The following KCNMA1 variants were observed in gnomAD, a reference collection of about 807,000 sequenced individuals.
KCNMA1 encodes the protein Calcium-activated potassium channel subunit alpha-1.
Under a neutral mutation model 140.0 loss-of-function variants are expected in KCNMA1, and 29 were observed. The ratio of observed to expected loss-of-function variants is 0.21; its 90% CI spans 0.15 to 0.28. KCNMA1 has a LOEUF of 0.28. KCNMA1 is among the 10% of genes least tolerant of loss of function. The pLI is 1.00. For synonymous variants in KCNMA1, 612 were observed against 611.9 expected (o/e 1.00, Z 0.00); for missense variants, 880 against 1,602.2 (o/e 0.55, Z 7.70).
chr10:77,527,840 G>C (rs1341217294), intron 1 of KCNMA1, among the ~76,000 whole-genome samples: 1 of 152,056 alleles, frequency 6.6e-6, no homozygotes, highest in Non-Finnish European at 1.5e-5. Context: ...TCATCCCCAG[G>C]GGCTGGCTCG....
chr10:76,953,803 G>A lies in KCNMA1; in HGVS notation c.2482C>T (p.Leu828=). 6.2e-7 allele frequency: 1 copy of A among 1,613,984 alleles called. No individual in the cohort carries two copies. Among genetic ancestry groups the A allele is most frequent in the Non-Finnish European group, 8.5e-7 (1 of 1,179,928 alleles). Residue 828 remains leucine (L), a splice_region_variant and synonymous_variant, in exon 21 of 28, where the codon CTG becomes TTG. Transcript: ENST00000286628. ...CAPKEIEKVI[L]TRSEAAMTVL... ...CAGATGCACAGTCCCTCACTCACCA[G>A]GATGACTTTCTCTATCTCCTTGGGT...
chr10:76,999,986 T>G (rs2085674923), intron 19 of KCNMA1, among the ~76,000 whole-genome samples: 1 of 152,176 alleles, frequency 6.6e-6, no homozygotes, highest in African/African-American at 2.4e-5. Flanking sequence ...AGAGGCCTCA[T>G]GGATCCCGGC....
chr10:77,546,622 C>A (rs1202209773), intron 1 of KCNMA1, among the ~76,000 whole-genome samples: 1 of 152,212 alleles, frequency 6.6e-6, no homozygotes, highest in Non-Finnish European at 1.5e-5. Flanking sequence ...TGCTGCATGG[C>A]CCCCACACTG....
chr10:77,487,058 A>G (rs1374862163), intron 1 of KCNMA1, among the ~76,000 whole-genome samples: 1 of 152,166 alleles, frequency 6.6e-6, no homozygotes, highest in African/African-American at 2.4e-5. Context: ...AGTGTTCCCC[A>G]TAAACTCAGT....
In KCNMA1 at chr10:77,089,690, T is replaced by C. The variant is rs143628255; in HGVS notation, c.1334+710A>G. On this transcript the variant is annotated intron_variant, in intron 10 of 27. Coordinates refer to ENST00000286628, the MANE Select transcript of KCNMA1 (RefSeq NM_001161352.2). ...GCCTGACTCTGCTCTGCACACTTCA[T>C]ATGGATTAATTCATTTCATTCTCAT... Among the ~76,000 whole-genome samples the C allele has an allele frequency of 7.2e-5, 11 of 152,304 alleles. No individual in the cohort carries two copies. The East Asian group carries it at 2.1e-3, about 29-fold the overall frequency.
intron 2 of KCNMA1, among the ~76,000 whole-genome samples, chr10:77,273,541 T>C (rs1472501685): frequency 6.6e-6 from 1 of 152,152 alleles, no homozygotes; most frequent in East Asian, 1.9e-4. Flanking sequence ...GTGGAATGGA[T>C]ATAAAAGAGA....
intron 7 of KCNMA1, among the ~76,000 whole-genome samples, chr10:77,111,114 C>G (rs757113794): frequency 9.9e-5 from 15 of 152,192 alleles, no homozygotes; most frequent in African/African-American, 3.1e-4. Flanking sequence ...AGCTTTGGCC[C>G]GAGACTGCAG....
rs567361425 is a variant in KCNMA1 at position 77,457,899 on chromosome 10, A to C, written c.379-53876T>G. On this transcript the variant is annotated intron_variant, in intron 1 of 27. Coordinates refer to ENST00000286628, the MANE Select transcript of KCNMA1 (RefSeq NM_001161352.2). ...AAAAAAGTTATATAGGAAAAGCCTC[A>C]CAATCGCAATGTAGTTAAAAACTGT... 5.3e-5 allele frequency among the ~76,000 whole-genome samples: 8 copies of C among 152,334 alleles called. No individual in the cohort carries two copies. In the South Asian group the frequency reaches 1.2e-3, roughly 24 times the overall value.
chr10:77,544,012 C>T (rs2154555572), intron 1 of KCNMA1, among the ~76,000 whole-genome samples: 1 of 152,248 alleles, frequency 6.6e-6, no homozygotes, highest in East Asian at 1.9e-4. Flanking sequence ...GAACTCAGAA[C>T]TTCCTTTAGA....
intron 1 of KCNMA1, among the ~76,000 whole-genome samples, chr10:77,506,596 A>AGAGTGTGTGTGTGTGTGTGTGTGT: frequency 2.4e-5 from 2 of 83,570 alleles, no homozygotes; most frequent in East Asian, 8.9e-4. Flanking sequence ...AGAGAGAGAG[A>AGAGTGTGTGTGTGTGTGTGTGTGT]GTGTGTGTGT....
At chr10:76,887,637 C>T (rs2037733850) in intron 27 of KCNMA1, 122 bp from the exon 28 acceptor site, 3 of 1,124,230 alleles carry the variant, frequency 2.7e-6, no homozygotes, top group Non-Finnish European at 1.3e-6. Flanking sequence ...AAGATGCACT[C>T]CTAGCTGGTC....
intron 1 of KCNMA1, among the ~76,000 whole-genome samples, chr10:77,614,729 C>A (rs913295852): frequency 3.9e-5 from 6 of 152,164 alleles, no homozygotes; most frequent in Admixed American, 6.5e-5. Flanking sequence ...CCTTGCACCC[C>A]AACCCCATGC....
rs150423324 is a variant in KCNMA1 at position 77,396,883 on chromosome 10, G to C, written c.540+6979C>G. 1.3e-3 allele frequency among the ~76,000 whole-genome samples: 205 copies of C among 152,292 alleles called. 1 individual carries two copies. Among genetic ancestry groups the C allele is most frequent in the African/African-American group, 4.6e-3 (190 of 41,564 alleles). ...AAGTAACTACAAAGAGTGATTCTAA[G>C]GGCTCTCTCTAGCTTTGCTCAGGAG... is the stretch of plus-strand genomic sequence containing the variant. On this transcript the variant is annotated intron_variant, in intron 2 of 27. Coordinates refer to ENST00000286628, the MANE Select transcript of KCNMA1 (RefSeq NM_001161352.2).
At chr10:77,045,640 C>T (rs1334653455) in intron 14 of KCNMA1, among the ~76,000 whole-genome samples, 2 of 152,248 alleles carry the variant, frequency 1.3e-5, no homozygotes, top group South Asian at 2.1e-4. Flanking sequence ...CGGGAAGTCA[C>T]ACCTTCCTGA....
intron 1 of KCNMA1, among the ~76,000 whole-genome samples, chr10:77,487,104 G>A (rs969020503): frequency 2.0e-5 from 3 of 152,152 alleles, no homozygotes; most frequent in East Asian, 1.9e-4. Context: ...GAAAGGTACC[G>A]TCCTGCCTAA....
intron 23 of KCNMA1, among the ~76,000 whole-genome samples, chr10:76,941,047 AAGAAAG>A (rs1324381615): frequency 6.4e-5 from 5 of 77,624 alleles, no homozygotes; most frequent in Non-Finnish European, 1.0e-4. Context: ...GAAAGAAAGA[AAGAAAG>A]AGAAAGAAAG....
intron 2 of KCNMA1, among the ~76,000 whole-genome samples, chr10:77,394,293 G>A (rs201650728): frequency 0.15 from 22,808 of 152,144 alleles, 2,212 homozygotes; most frequent in Non-Finnish European, 0.22. Context: ...GCAGCCCTGG[G>A]GAGGGCAGAG....
intron 5 of KCNMA1, among the ~76,000 whole-genome samples, chr10:77,164,051 T>C (rs1432672564): frequency 1.3e-5 from 2 of 152,194 alleles, no homozygotes; most frequent in African/African-American, 4.8e-5. Flanking sequence ...GGATATGATG[T>C]ACTCAAGCCT....
chr10:76,939,119 T>C (rs1195172556), intron 23 of KCNMA1: 1 of 133,976 alleles, frequency 7.5e-6, no homozygotes, highest in East Asian at 2.1e-4. Context: ...TCTTTTTTTT[T>C]TTTTTTTTTT....
Sources: gnomAD v4.1 joint callset for allele counts (sites outside exome capture counted in the v4.1 genomes callset) on GRCh38, gnomAD v4.1.1 for gene constraint, MANE v1.5 for transcripts, NCBI Gene and HGNC (gene_info 2026-07-23, HGNC 2026-07-21) for gene names.